Variants in TTC29 observed in about 807,000 individuals in gnomAD.
TTC29 encodes tetratricopeptide repeat domain 29.
A neutral mutation model predicts 58.1 loss-of-function variants in TTC29; 49 were observed. That is an observed-to-expected ratio of 0.84 (90% CI 0.67 to 1.07). TTC29 has a LOEUF of 1.07. TTC29 is among the 50% of genes least tolerant of loss of function. The probability of loss-of-function intolerance (pLI) is 0.00; values close to 1 mark genes in which losing one functional copy is unlikely to be tolerated. For synonymous variants in TTC29, 209 were observed against 196.8 expected (o/e 1.06, Z -0.52); for missense variants, 582 against 555.6 (o/e 1.05, Z -0.48).
At chr4:146,905,326 A>G (rs1579954437) in intron 5 of TTC29, among the ~76,000 whole-genome samples, 1 of 125,444 alleles carries the variant, frequency 8.0e-6, no homozygotes, top group African/African-American at 2.9e-5. Context: ...AATAAAAAGT[A>G]TATATATATA....
chr4:146,760,844 CTA>C (rs200707708), intron 11 of TTC29, among the ~76,000 whole-genome samples: 1 of 136,770 alleles, frequency 7.3e-6, no homozygotes. Flanking sequence ...TGATGGAATA[CTA>C]TATATATATG....
intron 11 of TTC29, among the ~76,000 whole-genome samples, chr4:146,790,143 A>G (rs889392823): frequency 6.6e-6 from 1 of 150,890 alleles, no homozygotes; most frequent in Non-Finnish European, 1.5e-5. Flanking sequence ...AAAACCTTCT[A>G]TTTAAAACAG....
chr4:146,761,250 C>T (rs996832919), intron 11 of TTC29, among the ~76,000 whole-genome samples: 2 of 151,800 alleles, frequency 1.3e-5, no homozygotes, highest in African/African-American at 4.8e-5. Context: ...ACAAACTAAC[C>T]ATCTTCTACA....
At chr4:146,735,457 G>A (rs1000701761) in intron 11 of TTC29, among the ~76,000 whole-genome samples, 2 of 152,216 alleles carry the variant, frequency 1.3e-5, no homozygotes, top group East Asian at 1.9e-4. Context: ...CCCACGGCTC[G>A]CTACTGAACA....
chr4:146,872,865 G>A (rs1190388502), intron 7 of TTC29, among the ~76,000 whole-genome samples: 3 of 152,002 alleles, frequency 2.0e-5, no homozygotes, highest in Non-Finnish European at 2.9e-5. Context: ...ATAACCCAGC[G>A]ATGCCACTCC....
intron 8 of TTC29, among the ~76,000 whole-genome samples, chr4:146,855,988 G>A (rs1207346156): frequency 1.3e-5 from 2 of 152,150 alleles, no homozygotes; most frequent in Non-Finnish European, 2.9e-5. Flanking sequence ...CTCTAGGTCT[G>A]TCACAAAATT....
intron 11 of TTC29, among the ~76,000 whole-genome samples, chr4:146,797,641 T>C (rs1749916628): frequency 6.6e-6 from 1 of 151,834 alleles, no homozygotes; most frequent in African/African-American, 2.4e-5. Flanking sequence ...GTAGTGTCCT[T>C]CCTCTCCCAC....
At chr4:146,718,991 T>C (rs1186376662) in intron 11 of TTC29, among the ~76,000 whole-genome samples, 1 of 152,164 alleles carries the variant, frequency 6.6e-6, no homozygotes, top group African/African-American at 2.4e-5. Context: ...TCTTGGCACC[T>C]TTCTTGAAAA....
intron 11 of TTC29, chr4:146,764,190 C>T (rs1430111001): frequency 6.6e-6 from 1 of 152,072 alleles, no homozygotes; most frequent in African/African-American, 2.4e-5. Context: ...ACCCTGTGAT[C>T]CGTTCCATTT....
intron 11 of TTC29, among the ~76,000 whole-genome samples, chr4:146,710,931 T>C (rs937571842): frequency 2.0e-5 from 3 of 152,028 alleles, no homozygotes; most frequent in Non-Finnish European, 4.4e-5. Context: ...TTGAAAACAA[T>C]GGAATATAAT....
chr4:146,737,423 G>A (rs1744787172), intron 11 of TTC29, among the ~76,000 whole-genome samples: 1 of 152,116 alleles, frequency 6.6e-6, no homozygotes, highest in African/African-American at 2.4e-5. Context: ...TGCAAACACA[G>A]CATCAATCTA....
chr4:146,939,548 A>G (rs2150336237), intron 3 of TTC29, among the ~76,000 whole-genome samples: 1 of 152,260 alleles, frequency 6.6e-6, no homozygotes, highest in African/African-American at 2.4e-5. Flanking sequence ...CCAAAACTCT[A>G]CGGGAACCAT....
At chr4:146,809,924 A>C (rs1750898164) in intron 10 of TTC29, among the ~76,000 whole-genome samples, 1 of 151,534 alleles carries the variant, frequency 6.6e-6, no homozygotes, top group African/African-American at 2.4e-5. Flanking sequence ...TATATTCCCC[A>C]AGGATTATAA....
chr4:146,800,875 C>A (rs1215349364), intron 11 of TTC29, among the ~76,000 whole-genome samples: 1 of 151,934 alleles, frequency 6.6e-6, no homozygotes, highest in Non-Finnish European at 1.5e-5. Flanking sequence ...CAGAAATGGC[C>A]GTGGTAGGAT....
intron 9 of TTC29, among the ~76,000 whole-genome samples, chr4:146,830,886 A>G (rs1412410794): frequency 6.6e-6 from 1 of 152,350 alleles, no homozygotes; most frequent in East Asian, 1.9e-4. Context: ...AAGCATTTAT[A>G]CTATGAGTGG....
At chr4:146,871,582 A>G (rs766376620) in intron 7 of TTC29, among the ~76,000 whole-genome samples, 11 of 152,000 alleles carry the variant, frequency 7.2e-5, no homozygotes, top group Non-Finnish European at 1.5e-4. Context: ...TAAGATCAAT[A>G]TAGAAAAGTC....
intron 11 of TTC29, among the ~76,000 whole-genome samples, chr4:146,778,499 C>T (rs758910757): frequency 2.6e-5 from 4 of 152,076 alleles, no homozygotes; most frequent in East Asian, 1.9e-4. Flanking sequence ...TGTCAAGGAT[C>T]GTTTCATGGG....
chr4:146,784,123 C>T (rs1026427681), intron 11 of TTC29, among the ~76,000 whole-genome samples: 4 of 150,836 alleles, frequency 2.7e-5, no homozygotes, highest in African/African-American at 7.3e-5. Flanking sequence ...AAAATATATA[C>T]CATATTTACT....
At chr4:146,863,357 T>C (rs1052881082) in intron 8 of TTC29, among the ~76,000 whole-genome samples, 1 of 152,156 alleles carries the variant, frequency 6.6e-6, no homozygotes, top group South Asian at 2.1e-4. Flanking sequence ...TCCTCCTTCA[T>C]CCAATTTGGC....
Sources: allele counts gnomAD v4.1 joint callset (sites outside exome capture counted in the v4.1 genomes callset), GRCh38; gene constraint gnomAD v4.1.1; transcripts MANE v1.5; gene names NCBI Gene and HGNC (gene_info 2026-07-23, HGNC 2026-07-21).